The following DUSP16 variants were observed in gnomAD, a reference collection of about 807,000 sequenced individuals.
DUSP16 encodes dual specificity phosphatase 16.
A neutral mutation model predicts 58.3 loss-of-function variants in DUSP16; 21 were observed. The observed-to-expected ratio is 0.36, with a 90% CI of 0.26 to 0.52. The LOEUF (loss-of-function observed/expected upper bound fraction) is 0.52, where lower values mean the gene tolerates loss of function less well. DUSP16 is among the 20% of genes least tolerant of loss of function. The pLI, the probability that DUSP16 is intolerant of heterozygous loss-of-function variation, is 0.94. For missense variants in DUSP16, 726 were observed against 819.0 expected (o/e 0.89, Z 1.39); for synonymous variants, 320 against 323.8 (o/e 0.99, Z 0.12).
At chr12:12,556,709 A>AGTT (rs1325593499) in intron 1 of DUSP16, among the ~76,000 whole-genome samples, 3 of 152,336 alleles carry the variant, frequency 2.0e-5, no homozygotes, top group Admixed American at 1.3e-4. Flanking sequence ...GTTGACCACT[A>AGTT]TGAAGGACAT....
intron 1 of DUSP16, among the ~76,000 whole-genome samples, chr12:12,561,284 C>G (rs1944899071): frequency 2.0e-5 from 3 of 152,170 alleles, no homozygotes; most frequent in South Asian, 4.1e-4. Context: ...CCCACGACTT[C>G]AAAACGCCAA....
intron 5 of DUSP16, among the ~76,000 whole-genome samples, chr12:12,481,012 C>T (rs532845537): frequency 6.6e-6 from 1 of 152,142 alleles, no homozygotes; most frequent in Non-Finnish European, 1.5e-5. Context: ...AGCCACTGCC[C>T]CTGGCCTCCC....
chr12:12,477,019 A>G lies in DUSP16; in HGVS notation c.1812T>C (p.Ser604=), dbSNP rs1481449836. 1.5e-5 allele frequency: 25 copies of G among 1,614,222 alleles called. No individual in the cohort carries two copies. The highest frequency in any genetic ancestry group is 2.1e-5 in the Non-Finnish European group (25 of 1,180,042). ...AGCTCCGCCGCGAGTCAGCTCTGTC[A>G]CTTGGCTTCTGCCGCCTGCGCACAG... is the stretch of plus-strand genomic sequence containing the variant. The part of the protein sequence containing the change: ...VYSVRRRQKP[S]DRADSRRSWH... The change falls in exon 7 of 7, where the codon AGT becomes AGC. Residue 604 remains serine (S), a synonymous_variant. Coordinates refer to ENST00000298573, the MANE Select transcript of DUSP16 (RefSeq NM_030640.3). The surrounding 1 kb of genome is among the most constrained non-coding windows in gnomAD (Gnocchi z 4.1).
intron 1 of DUSP16, among the ~76,000 whole-genome samples, chr12:12,553,395 A>G (rs961989262): frequency 6.6e-6 from 1 of 152,210 alleles, no homozygotes; most frequent in Admixed American, 6.5e-5. Flanking sequence ...TCATCTCTCT[A>G]AGGCCTTAGT....
chr12:12,503,187 G>GT (rs1419993366), intron 3 of DUSP16, among the ~76,000 whole-genome samples: 1 of 149,702 alleles, frequency 6.7e-6, no homozygotes, highest in African/African-American at 2.5e-5. Flanking sequence ...TGTGCCTGGC[G>GT]TATAGTAAAG....
intron 1 of DUSP16, among the ~76,000 whole-genome samples, chr12:12,556,579 T>TA (rs879917488): frequency 1.7e-3 from 241 of 142,786 alleles, no homozygotes; most frequent in Middle Eastern, 3.7e-3. Context: ...CATCTTTAAT[T>TA]AAAAAAAAAA....
chr12:12,526,712 C>G (rs1944312930), intron 1 of DUSP16, among the ~76,000 whole-genome samples: 1 of 152,046 alleles, frequency 6.6e-6, no homozygotes, highest in African/African-American at 2.4e-5. Context: ...GATGATTTTT[C>G]TCTTCAACTT....
chr12:12,476,734 ATATATATG>A lies in DUSP16; in HGVS notation c.*91_*98del. On this transcript the variant is annotated 3_prime_UTR_variant, in exon 7 of 7. Coordinates refer to ENST00000298573, the MANE Select transcript of DUSP16 (RefSeq NM_030640.3). ...TACACCATAGCTCCATTTTCCAAAA[ATATATATG>A]TATGTACATATATATATTTCAGATT... The A allele has an allele frequency of 1.7e-6, 2 of 1,178,876 alleles. No individual in the cohort carries two copies. Among genetic ancestry groups the A allele is most frequent in the East Asian group, 2.5e-5 (1 of 39,926 alleles). 73.0% of individuals were successfully genotyped at this position (1,178,876 alleles called of 1,614,324 possible).
At chr12:12,511,717 CACT>C (rs1403072563) in intron 3 of DUSP16, among the ~76,000 whole-genome samples, 1 of 151,936 alleles carries the variant, frequency 6.6e-6, no homozygotes, top group Non-Finnish European at 1.5e-5. Context: ...CCAAATTAAC[CACT>C]ACATTCTCAA....
intron 3 of DUSP16, among the ~76,000 whole-genome samples, chr12:12,517,407 AGTT>A (rs1944169557): frequency 1.3e-5 from 2 of 152,180 alleles, no homozygotes; most frequent in South Asian, 4.1e-4. Context: ...GGTGCTTTTC[AGTT>A]ATTTCTCCCC....
rs562052237 is a variant in DUSP16 at position 12,477,094 on chromosome 12, G to A, written c.1737C>T (p.Tyr579=). ...GCAGCTGGCTGCAGCTGTAGGCAGA[G>A]TAACTGGCACTGCCTCCGTAGATGG... The part of the protein sequence containing the change: ...ASAIYGGSAS[Y]SAYSCSQLPT... The change falls in exon 7 of 7, where the codon TAC becomes TAT. Residue 579 remains tyrosine (Y), a synonymous_variant. Coordinates refer to ENST00000298573, the MANE Select transcript of DUSP16 (RefSeq NM_030640.3). The surrounding 1 kb of genome is among the most constrained non-coding windows in gnomAD (Gnocchi z 4.1). The A allele has an allele frequency of 3.3e-5, 53 of 1,614,276 alleles. No individual in the cohort carries two copies. In the Middle Eastern group the frequency reaches 9.9e-4, roughly 30 times the overall value.
chr12:12,520,398 A>G (rs1328720543), intron 2 of DUSP16, among the ~76,000 whole-genome samples: 4 of 152,202 alleles, frequency 2.6e-5, no homozygotes, highest in Admixed American at 2.0e-4. Flanking sequence ...ATTTGTGAAG[A>G]AAAAAACCAA....
chr12:12,479,801 G>C (rs1189467193), intron 6 of DUSP16, among the ~76,000 whole-genome samples: 1 of 152,182 alleles, frequency 6.6e-6, no homozygotes. Context: ...GTTCATATTT[G>C]CATTTATGAG....
intron 1 of DUSP16, among the ~76,000 whole-genome samples, chr12:12,558,338 G>T (rs936911741): frequency 6.6e-6 from 1 of 151,448 alleles, no homozygotes; most frequent in Non-Finnish European, 1.5e-5. Context: ...TCTCATATAA[G>T]TAATGCTCAT....
chr12:12,542,652 G>A (rs561764504), intron 1 of DUSP16, among the ~76,000 whole-genome samples: 117 of 152,094 alleles, frequency 7.7e-4, no homozygotes, highest in African/African-American at 2.7e-3. Flanking sequence ...TTTTTAAATG[G>A]TAAATTTGGT....
intron 1 of DUSP16, among the ~76,000 whole-genome samples, chr12:12,521,985 C>T (rs185285728): frequency 3.9e-5 from 6 of 152,222 alleles, no homozygotes; most frequent in Admixed American, 2.0e-4. Flanking sequence ...TGTGAGCTCA[C>T]GCGAGTACCA....
intron 4 of DUSP16, among the ~76,000 whole-genome samples, chr12:12,492,458 T>C (rs1943775365): frequency 6.6e-6 from 1 of 152,144 alleles, no homozygotes; most frequent in Non-Finnish European, 1.5e-5. Flanking sequence ...GGCCAATCCC[T>C]CCGCTTGCTA....
intron 1 of DUSP16, among the ~76,000 whole-genome samples, chr12:12,535,312 T>C (rs1389624416): frequency 6.6e-6 from 1 of 152,250 alleles, no homozygotes; most frequent in Non-Finnish European, 1.5e-5. Flanking sequence ...CTATATCCCA[T>C]AGAAGAAGAT....
chr12:12,513,637 T>C (rs77696186), intron 3 of DUSP16, among the ~76,000 whole-genome samples: 9,710 of 152,298 alleles, frequency 0.064, 438 homozygotes, highest in East Asian at 0.18. Flanking sequence ...TATTCTGTGC[T>C]GCATCACAGG....
Sources: gnomAD v4.1 joint callset for allele counts (sites outside exome capture counted in the v4.1 genomes callset) on GRCh38, gnomAD v4.1.1 for gene constraint, Gnocchi (gnomAD v3.1) non-coding constraint, MANE v1.5 for transcripts, NCBI Gene and HGNC (gene_info 2026-07-23, HGNC 2026-07-21) for gene names.